The following GCLC variants were observed in gnomAD, a reference collection of about 807,000 sequenced individuals.
The protein encoded by GCLC is glutamate--cysteine ligase catalytic subunit.
Under a neutral mutation model 81.5 loss-of-function variants are expected in GCLC, and 30 were observed. The observed-to-expected ratio is 0.37, with a 90% confidence interval of 0.28 to 0.50. The LOEUF (loss-of-function observed/expected upper bound fraction) is 0.50, where lower values mean the gene tolerates loss of function less well. Ranked by LOEUF, GCLC falls within the 20% of genes least tolerant of loss-of-function variation. GCLC has a pLI of 0.96. For missense variants in GCLC, 556 were observed against 777.4 expected (o/e 0.72, Z 3.39); for synonymous variants, 262 against 273.3 (o/e 0.96, Z 0.41).
chr6:53,515,864 A>C (rs1471466875), intron 4 of GCLC, among the ~76,000 whole-genome samples: 1 of 152,184 alleles, frequency 6.6e-6, no homozygotes, highest in Admixed American at 6.5e-5. Context: ...GCAGTGGCTC[A>C]GCGAATAACT....
Position 53,505,809 on chromosome 6 carries a change from G to T in GCLC, c.1284C>A (p.Pro428=). 3 of 1,590,716 alleles carry T rather than the reference G, an allele frequency of 1.9e-6. No individual in the cohort carries two copies. Among genetic ancestry groups the T allele is most frequent in the Non-Finnish European group, 2.6e-6 (3 of 1,158,732 alleles). ...SDIGWRVEFR[P]MEVQLTDFEN... ...GCTGATGCATGTGTCTTACCTCCAT[G>T]GGTCGAAATTCTACTCTCCATCCAA... Residue 428 remains proline, a synonymous_variant, in exon 11 of 16, where the codon CCC becomes CCA. Coordinates refer to ENST00000650454, the MANE Select transcript of GCLC (RefSeq NM_001498.4).
In GCLC at chr6:53,498,654, A is replaced by G; in HGVS notation, c.*102T>C. 2 of 815,008 alleles carry G rather than the reference A, an allele frequency of 2.5e-6. No homozygotes were observed. Among genetic ancestry groups the G allele is most frequent in the Non-Finnish European group, 4.3e-6 (2 of 460,416 alleles). The allele number at this position is 815,008 out of a possible 1,614,324, so 50.5% of individuals were successfully genotyped here. A position where few individuals can be genotyped will look rare whatever the true frequency, so the allele number is the denominator to read the frequency against. On this transcript the variant is annotated 3_prime_UTR_variant, in exon 16 of 16. Transcript: ENST00000650454. ...CTGGCTCACTGGCCCAGAAAACAGT[A>G]CAGTTCTATCATTTGGTCTTCATAT...
chr6:53,543,189 C>T (rs1763389024), intron 1 of GCLC, among the ~76,000 whole-genome samples: 1 of 152,162 alleles, frequency 6.6e-6, no homozygotes, highest in Non-Finnish European at 1.5e-5. Flanking sequence ...AGCATAATGT[C>T]CCTGCCCAAT....
intron 1 of GCLC, among the ~76,000 whole-genome samples, chr6:53,530,945 A>G (rs1015801231): frequency 1.3e-5 from 2 of 151,948 alleles, no homozygotes; most frequent in South Asian, 2.1e-4. Flanking sequence ...CCTCCTGCCT[A>G]TTTGGGCGGT....
chr6:53,544,361 C>T (rs924824097), intron 1 of GCLC, 135 bp downstream of exon 1: 6 of 822,048 alleles, frequency 7.3e-6, no homozygotes, highest in Non-Finnish European at 1.2e-5. Context: ...CTCCCGGGGC[C>T]GGGAGGCGCT....
chr6:53,528,375 T>A (rs1266767209), intron 1 of GCLC, among the ~76,000 whole-genome samples: 1 of 152,206 alleles, frequency 6.6e-6, no homozygotes, highest in Non-Finnish European at 1.5e-5. Flanking sequence ...GACCAGTAAG[T>A]ACAAAGTAGA....
intron 14 of GCLC, 26 bp downstream of exon 14, chr6:53,500,221 G>T (rs661346): frequency 2.2e-5 from 35 of 1,613,504 alleles, no homozygotes; most frequent in Non-Finnish European, 2.5e-5. Flanking sequence ...CACAGTGAGG[G>T]GTACTGTACA....
chr6:53,542,785 G>A (rs1395897540), intron 1 of GCLC, among the ~76,000 whole-genome samples: 1 of 63,278 alleles, frequency 1.6e-5, no homozygotes, highest in Non-Finnish European at 2.9e-5. Context: ...GGAAGCCGAG[G>A]CGGGTGAAAA....
At chr6:53,512,099 C>A (rs1475735988) in intron 6 of GCLC, among the ~76,000 whole-genome samples, 1 of 151,978 alleles carries the variant, frequency 6.6e-6, no homozygotes, top group Non-Finnish European at 1.5e-5. Context: ...CAGGCACATG[C>A]CACCAGGTCT....
chr6:53,538,661 A>C (rs1229446916), intron 1 of GCLC, among the ~76,000 whole-genome samples: 2 of 152,178 alleles, frequency 1.3e-5, no homozygotes, highest in African/African-American at 4.8e-5. Context: ...GTTCAAACTC[A>C]ATGGATGATA....
chr6:53,531,432 T>C (rs1763170596), intron 1 of GCLC, among the ~76,000 whole-genome samples: 1 of 152,192 alleles, frequency 6.6e-6, no homozygotes, highest in Non-Finnish European at 1.5e-5. Context: ...AGGAAGACCA[T>C]GGTCCTTCAG....
chr6:53,526,069 T>A (rs950751837), intron 1 of GCLC, among the ~76,000 whole-genome samples: 1 of 152,004 alleles, frequency 6.6e-6, no homozygotes, highest in Admixed American at 6.5e-5. Flanking sequence ...AAGACACATA[T>A]AAAAGACCAG....
chr6:53,526,375 A>C (rs1381991295), intron 1 of GCLC, among the ~76,000 whole-genome samples: 1 of 152,244 alleles, frequency 6.6e-6, no homozygotes, highest in Non-Finnish European at 1.5e-5. Flanking sequence ...TTAAGGGTAA[A>C]TACAAGCTTT....
chr6:53,532,806 A>G (rs1763195163), intron 1 of GCLC, among the ~76,000 whole-genome samples: 1 of 152,090 alleles, frequency 6.6e-6, no homozygotes, highest in Non-Finnish European at 1.5e-5. Flanking sequence ...GGTCTGTAAG[A>G]GCATTTATGT....
chr6:53,510,482 G>A (rs528550411), intron 6 of GCLC: 27 of 150,716 alleles, frequency 1.8e-4, no homozygotes, highest in Non-Finnish European at 3.4e-4. Context: ...TTTCCAAGAC[G>A]GTAGAAGGGG....
intron 2 of GCLC, among the ~76,000 whole-genome samples, chr6:53,521,541 C>T (rs752960487): frequency 3.9e-5 from 6 of 152,128 alleles, no homozygotes; most frequent in Non-Finnish European, 8.8e-5. Flanking sequence ...GGAGATGAGG[C>T]CTTAAGGGTT....
Position 53,506,027 on chromosome 6 carries a change from G to C in GCLC, c.1198-132C>G. Reference sequence around the variant, plus strand: ...AATTTCAATTGACAAAGACAAAAAGGTACAATTGAAGATTTTCTTCGAGTG... The same window carrying C: ...AATTTCAATTGACAAAGACAAAAAGCTACAATTGAAGATTTTCTTCGAGTG... On this transcript the variant is annotated intron_variant, in intron 10 of 15. Transcript: ENST00000650454. This position sits in a 1 kb window ranked among gnomAD's most constrained non-coding sequence, Gnocchi z 4.0. The C allele has an allele frequency of 1.4e-6, 1 of 704,374 alleles. No individual in the cohort carries two copies. The highest frequency in any genetic ancestry group is 2.6e-6 in the Non-Finnish European group (1 of 381,532). The allele number at this position is 704,374 out of a possible 1,614,324, so 43.6% of individuals were successfully genotyped here. A position where few individuals can be genotyped will look rare whatever the true frequency, so the allele number is the denominator to read the frequency against.
intron 4 of GCLC, 154 bp from the exon 5 acceptor site, chr6:53,514,651 C>A: frequency 2.8e-6 from 2 of 713,840 alleles, no homozygotes; most frequent in South Asian, 1.5e-5. Flanking sequence ...TGTCAAGACA[C>A]TACAAGGGAA....
At chr6:53,537,488 C>T (rs758262432) in intron 1 of GCLC, among the ~76,000 whole-genome samples, 21 of 152,248 alleles carry the variant, frequency 1.4e-4, no homozygotes, top group East Asian at 3.9e-4. Flanking sequence ...TGTGTCAATG[C>T]GTTTTTGAAG....
Sources: allele counts gnomAD v4.1 joint callset (sites outside exome capture counted in the v4.1 genomes callset), GRCh38; gene constraint gnomAD v4.1.1; non-coding constraint Gnocchi (gnomAD v3.1); transcripts MANE v1.5; gene names NCBI Gene and HGNC (gene_info 2026-07-23, HGNC 2026-07-21).